LINGO1: variants seen among roughly 807,000 people sequenced by gnomAD.
LINGO1 encodes leucine rich repeat and Ig domain containing 1, also known as leucine-rich repeat and immunoglobulin-like domain-containing nogo receptor-interacting protein 1.
A neutral mutation model predicts 37.3 loss-of-function variants in LINGO1; 11 were observed. The ratio of observed to expected loss-of-function variants is 0.29; its 90% CI spans 0.19 to 0.49. LINGO1 has a LOEUF of 0.49. Ranked by LOEUF, LINGO1 falls within the 20% of genes least tolerant of loss-of-function variation. The pLI is 0.99. For synonymous variants in LINGO1, 387 were observed against 403.0 expected (o/e 0.96, Z 0.48); for missense variants, 585 against 878.2 (o/e 0.67, Z 4.22).
intron 1 of LINGO1, among the ~76,000 whole-genome samples, chr15:77,618,098 C>T (rs1595984392): frequency 1.3e-5 from 2 of 152,312 alleles, no homozygotes; most frequent in East Asian, 1.9e-4. Flanking sequence ...GGGGCTGGCG[C>T]GGGTGTGAGG....
intron 3 of LINGO1, among the ~76,000 whole-genome samples, chr15:77,643,669 GC>G (rs1251779714): frequency 1.3e-5 from 2 of 152,180 alleles, no homozygotes; most frequent in Non-Finnish European, 2.9e-5. Context: ...TGGGGGTACT[GC>G]AGGTGGCCAC....
intron 1 of LINGO1, among the ~76,000 whole-genome samples, chr15:77,808,143 G>A (rs1379975578): frequency 1.3e-5 from 2 of 151,768 alleles, no homozygotes; most frequent in Non-Finnish European, 1.5e-5. Flanking sequence ...GATCCATTCT[G>A]TAAACCTCAG....
In LINGO1 at chr15:77,668,603, G is replaced by A. The variant is rs190712675; in HGVS notation, c.-13+8486C>T. Among the ~76,000 whole-genome samples, 31 of 152,192 alleles carry A rather than the reference G, an allele frequency of 2.0e-4. No homozygotes were observed. In the East Asian group the frequency reaches 4.8e-3, roughly 24 times the overall value. ...AGAGAAATGCACTTTACGTGCCAGGGTCACGACGCATGCGCAGGAATACAT... is the reference window on the plus strand; with the variant it reads ...AGAGAAATGCACTTTACGTGCCAGGATCACGACGCATGCGCAGGAATACAT... On this transcript the variant is annotated intron_variant, in intron 3 of 3. Coordinates refer to the LINGO1 transcript ENST00000559893.
At chr15:77,710,676 C>T (rs916526271) in intron 2 of LINGO1, among the ~76,000 whole-genome samples, 5 of 152,148 alleles carry the variant, frequency 3.3e-5, no homozygotes, top group South Asian at 4.1e-4. Flanking sequence ...GCTTTTGTTT[C>T]GCTGAAGAAG....
At chr15:77,622,366 C>T (rs139347655) in intron 1 of LINGO1, among the ~76,000 whole-genome samples, 1 of 152,126 alleles carries the variant, frequency 6.6e-6, no homozygotes, top group African/African-American at 2.4e-5. Context: ...AGAACTTGTC[C>T]TGCAGGCACA....
chr15:77,748,929 T>TTTTG (rs2076343629), intron 1 of LINGO1, among the ~76,000 whole-genome samples: 1 of 135,378 alleles, frequency 7.4e-6, no homozygotes, highest in African/African-American at 2.7e-5. Context: ...TTTTTTTTTT[T>TTTTG]TGGAGTCTCG....
At chr15:77,776,525 G>T (rs56125445) in intron 1 of LINGO1, among the ~76,000 whole-genome samples, 1,893 of 93,776 alleles carry the variant, frequency 0.02, 107 homozygotes, top group African/African-American at 0.025. Context: ...AGGAAGGGAG[G>T]AAGGGAGGGA....
intron 3 of LINGO1, among the ~76,000 whole-genome samples, chr15:77,660,534 T>C (rs1243313705): frequency 6.6e-6 from 1 of 152,206 alleles, no homozygotes; most frequent in African/African-American, 2.4e-5. Flanking sequence ...CTGGGCTCTA[T>C]TCTCTGTACC....
At chr15:77,661,249 G>A (rs2074986809) in intron 3 of LINGO1, among the ~76,000 whole-genome samples, 1 of 152,126 alleles carries the variant, frequency 6.6e-6, no homozygotes, top group East Asian at 1.9e-4. Flanking sequence ...ACAAGATCTC[G>A]CATGAGTGGT....
At chr15:77,716,408 G>A (rs1458690801) in intron 2 of LINGO1, among the ~76,000 whole-genome samples, 1 of 148,148 alleles carries the variant, frequency 6.8e-6, no homozygotes, top group African/African-American at 2.4e-5. Flanking sequence ...AGCCTCGCAA[G>A]TAGCTAGGAC....
intron 1 of LINGO1, among the ~76,000 whole-genome samples, chr15:77,768,791 C>T (rs1021747685): frequency 6.6e-6 from 1 of 152,204 alleles, no homozygotes; most frequent in African/African-American, 2.4e-5. Context: ...CGACCCAGCC[C>T]TTTAATGGAA....
intron 1 of LINGO1, among the ~76,000 whole-genome samples, chr15:77,754,409 G>C (rs1287706427): frequency 6.6e-6 from 1 of 152,126 alleles, no homozygotes; most frequent in Non-Finnish European, 1.5e-5. Flanking sequence ...GCCACCGTCC[G>C]CTTCTGAATA....
At chr15:77,743,568 CAGA>C (rs2076285612) in intron 1 of LINGO1, among the ~76,000 whole-genome samples, 1 of 152,168 alleles carries the variant, frequency 6.6e-6, no homozygotes. Flanking sequence ...ACTGTGGGCA[CAGA>C]GTAGGGAATG....
At chr15:77,819,347 C>T (rs1005265082) in intron 1 of LINGO1, 6 of 151,340 alleles carry the variant, frequency 4.0e-5, no homozygotes, top group Non-Finnish European at 8.9e-5. Context: ...GGTCCCCGCT[C>T]CGGCCTCGGT....
intron 1 of LINGO1, among the ~76,000 whole-genome samples, chr15:77,631,400 G>A (rs1238990131): frequency 6.6e-6 from 1 of 152,054 alleles, no homozygotes; most frequent in Non-Finnish European, 1.5e-5. Flanking sequence ...AGAACAAAGA[G>A]GAGGTGCAGG....
chr15:77,782,931 G>A, intron 1 of LINGO1, among the ~76,000 whole-genome samples: 1 of 152,030 alleles, frequency 6.6e-6, no homozygotes, highest in Non-Finnish European at 1.5e-5. Context: ...CAGCAGGGCG[G>A]CTAAGGCTGT....
chr15:77,657,944 C>A (rs2074902196), intron 3 of LINGO1, among the ~76,000 whole-genome samples: 1 of 152,182 alleles, frequency 6.6e-6, no homozygotes, highest in South Asian at 2.1e-4. Flanking sequence ...AAAAACCGCA[C>A]ACACACACAA....
chr15:77,641,948 G>T (rs1437111396), intron 3 of LINGO1: 1 of 456,730 alleles, frequency 2.2e-6, no homozygotes, highest in Non-Finnish European at 4.4e-6. Flanking sequence ...TGTTGGCGGA[G>T]TGGTCTTGGG....
chr15:77,818,685 T>A lies in LINGO1; in HGVS notation c.-458+1573A>T, dbSNP rs542366280. On this transcript the variant is annotated intron_variant, in intron 1 of 5. Transcript: ENST00000562933. ...CAACTGAACCTTGGTGTCTTCCTCC[T>A]GCCTGCAAAGACATCCCAGGCCCTG... Among the ~76,000 whole-genome samples, 15 of 152,200 alleles carry A rather than the reference T, an allele frequency of 9.9e-5. No individual in the cohort carries two copies. The East Asian group carries it at 2.7e-3, about 28-fold the overall frequency.
Sources: allele counts gnomAD v4.1 joint callset (sites outside exome capture counted in the v4.1 genomes callset), GRCh38; gene constraint gnomAD v4.1.1; transcripts MANE v1.5; gene names NCBI Gene and HGNC (gene_info 2026-07-23, HGNC 2026-07-21).